The following CPSF7 variants were observed in gnomAD, a reference collection of about 807,000 sequenced individuals.
CPSF7 encodes cleavage and polyadenylation specific factor 7.
In CPSF7, 1 loss-of-function variant was observed where a neutral mutation model predicts 44.3. The observed-to-expected ratio is 0.02, with a 90% CI of 0.01 to 0.11. The LOEUF (loss-of-function observed/expected upper bound fraction) is 0.11. Ranked by LOEUF, CPSF7 falls within the 10% of genes least tolerant of loss-of-function variation. The probability of loss-of-function intolerance (pLI) is 1.00; values close to 1 mark genes in which losing one functional copy is unlikely to be tolerated. For missense variants in CPSF7, 443 were observed against 607.2 expected, an observed-to-expected ratio of 0.73 and a Z score of 2.84; for synonymous variants, 202 against 222.0, an observed-to-expected ratio of 0.91 and a Z score of 0.80.
intron 2 of CPSF7, among the ~76,000 whole-genome samples, chr11:61,427,850 A>G (rs905979463): frequency 3.3e-5 from 5 of 152,230 alleles, no homozygotes; most frequent in African/African-American, 9.6e-5. Flanking sequence ...TTATAAAACC[A>G]TAATACATCA....
At chr11:61,411,535 C>T (rs1859846868) in intron 8 of CPSF7, among the ~76,000 whole-genome samples, 1 of 152,148 alleles carries the variant, frequency 6.6e-6, no homozygotes, top group Non-Finnish European at 1.5e-5. Flanking sequence ...TTAAAAATAT[C>T]TGTCTGTATT....
At chr11:61,420,732 C>T (rs1305272675) in intron 3 of CPSF7, 159 bp from the exon 4 acceptor site, 3 of 619,398 alleles carry the variant, frequency 4.8e-6, no homozygotes, top group Non-Finnish European at 8.5e-6. Context: ...ATTGTCCTCA[C>T]CCATACAGAA....
intron 9 of CPSF7, among the ~76,000 whole-genome samples, chr11:61,409,364 C>T (rs967162179): frequency 6.6e-6 from 1 of 151,242 alleles, no homozygotes; most frequent in Admixed American, 6.6e-5. Context: ...CCCAGCTACT[C>T]GGGAGGCTGA....
intron 4 of CPSF7, 151 bp from the exon 5 acceptor site, chr11:61,420,245 C>G: frequency 1.4e-6 from 1 of 731,030 alleles, no homozygotes; most frequent in East Asian, 2.7e-5. Flanking sequence ...AAGAGACAGC[C>G]TAAATCTTTA....
intron 7 of CPSF7, among the ~76,000 whole-genome samples, chr11:61,412,773 T>C (rs1859971373): frequency 6.6e-6 from 1 of 152,210 alleles, no homozygotes; most frequent in East Asian, 1.9e-4. Flanking sequence ...GATCAATAAA[T>C]GTTATGTTAT....
chr11:61,418,710 T>A (rs958001033), intron 5 of CPSF7, among the ~76,000 whole-genome samples: 7 of 150,884 alleles, frequency 4.6e-5, no homozygotes, highest in African/African-American at 1.5e-4. Flanking sequence ...AGTTCTGAGG[T>A]AACTTTCTTT....
At chr11:61,420,361 T>A (rs779133755) in intron 4 of CPSF7, 109 bp downstream of exon 4, 3 of 999,754 alleles carry the variant, frequency 3.0e-6, no homozygotes, top group Non-Finnish European at 4.5e-6. Context: ...ACCAAGGCAG[T>A]AAGCTGGGCC....
At chr11:61,411,203 C>A in intron 8 of CPSF7, 98 bp from the exon 9 acceptor site, 2 of 1,208,034 alleles carry the variant, frequency 1.7e-6, no homozygotes, top group Non-Finnish European at 2.3e-6. Context: ...TAAACTATTC[C>A]TCTATTACTC....
chr11:61,409,167 A>C (rs12284002), intron 9 of CPSF7, among the ~76,000 whole-genome samples: 17,553 of 151,474 alleles, frequency 0.12, 3,378 homozygotes, highest in African/African-American at 0.4. Context: ...AAAAACAAAA[A>C]CAAAACAAAA....
Position 61,421,457 on chromosome 11 carries a change from G to C in CPSF7, c.206C>G (p.Ala69Gly). Residue 69 changes from alanine to glycine, a missense_variant, in exon 3 of 10, where the codon GCA (alanine) becomes GGA (glycine). Ala to Gly is a moderately conservative substitution (Grantham distance 60). Transcript: ENST00000439958. Reference protein sequence around the residue: ...PSPKPNNKTPAILYTYSGLRN... With the variant: ...PSPKPNNKTPGILYTYSGLRN... ...CAGGCCACTGTAGGTATACAGAATTGCAGGGGTCTTGTTGTTGGGCTTGGG... is the reference window on the plus strand; with the variant it reads ...CAGGCCACTGTAGGTATACAGAATTCCAGGGGTCTTGTTGTTGGGCTTGGG... The C allele has an allele frequency of 6.2e-7, 1 of 1,614,162 alleles. No individual in the cohort carries two copies.
chr11:61,411,226 G>A, intron 8 of CPSF7, 121 bp from the exon 9 acceptor site: 1 of 967,908 alleles, frequency 1.0e-6, no homozygotes, highest in Non-Finnish European at 1.5e-6. Flanking sequence ...TCATGGGCCT[G>A]CTGTCTGAGG....
rs778393623 is a variant in CPSF7, at chr11:61,411,877, C to T, written c.1118G>A (p.Arg373Gln). The T allele has an allele frequency of 1.2e-6, 2 of 1,614,160 alleles. No homozygotes were observed. The highest frequency in any genetic ancestry group is 1.1e-5 in the South Asian group (1 of 91,082). Residue 373 changes from arginine to glutamine, a missense_variant, in exon 8 of 10, where the codon CGG becomes CAG. Transcript: ENST00000439958. ...LTAIAVIKQS[R>Q]VANDERCRVL... ...ACGGCAACGCTCATCATTGGCAACC[C>T]GGGACTGTTTGATAACCGCAATGGC...
At position 61,402,985 on chromosome 11, in the gene CPSF7, T is replaced by G. The variant is rs1199065870; in HGVS notation, c.*1725A>C. 2 of 152,372 alleles carry G rather than the reference T, an allele frequency of 1.3e-5. No homozygotes were observed. Among genetic ancestry groups the G allele is most frequent in the African/African-American group, 4.8e-5 (2 of 41,416 alleles). 9.4% of individuals were successfully genotyped at this position (152,372 alleles called of 1,614,324 possible). A position where few individuals can be genotyped will look rare whatever the true frequency, so the allele number is the denominator to read the frequency against. On this transcript the variant is annotated 3_prime_UTR_variant, in exon 10 of 10. Transcript: ENST00000439958. ...TAAACTGTCACCTTTTCTCTACATT[T>G]TAAAAGACACCCGGAGTTGCTCTCA...
chr11:61,424,034 A>G lies in CPSF7; in HGVS notation c.55-2426T>C, dbSNP rs949987742. ...CCCTTGTAAAAACGTTAGAAAAAGA[A>G]TATCAAGAGACAGTAAACTTTTAGG... On this transcript the variant is annotated intron_variant, in intron 2 of 9. Coordinates refer to ENST00000439958, the MANE Select transcript of CPSF7 (RefSeq NM_001142565.3). Among the ~76,000 whole-genome samples the G allele has an allele frequency of 5.3e-5, 8 of 152,348 alleles. No homozygotes were observed. The East Asian group carries it at 5.8e-4, about 11-fold the overall frequency.
intron 3 of CPSF7, 122 bp from the exon 4 acceptor site, chr11:61,420,695 A>G (rs1271921011): frequency 1.4e-6 from 1 of 717,010 alleles, no homozygotes; most frequent in Non-Finnish European, 2.4e-6. Context: ...AAGCCTGGCA[A>G]TATTTCAATT....
intron 7 of CPSF7, among the ~76,000 whole-genome samples, chr11:61,412,624 G>A (rs1225876371): frequency 6.6e-6 from 1 of 152,082 alleles, no homozygotes; most frequent in East Asian, 1.9e-4. Context: ...ATAGGGTCTG[G>A]CTATATAAAG....
chr11:61,402,845 T>C lies in CPSF7; in HGVS notation c.*1865A>G, dbSNP rs562188510. On this transcript the variant is annotated 3_prime_UTR_variant, in exon 10 of 10. Transcript: ENST00000439958. ...TTGAGGGATGGGTGTTTTTTTTCCTTTTGCTATCAGGAAATAAAACTAAAA... is the reference window on the plus strand; with the variant it reads ...TTGAGGGATGGGTGTTTTTTTTCCTCTTGCTATCAGGAAATAAAACTAAAA... 3 of 152,518 alleles carry C rather than the reference T, an allele frequency of 2.0e-5. No individual in the cohort carries two copies. Among genetic ancestry groups the C allele is most frequent in the African/African-American group, 7.2e-5 (3 of 41,466 alleles). 9.4% of individuals were successfully genotyped at this position (152,518 alleles called of 1,614,324 possible).
chr11:61,416,762 A>G (rs1319502601), intron 5 of CPSF7, among the ~76,000 whole-genome samples: 1 of 152,216 alleles, frequency 6.6e-6, no homozygotes, highest in Non-Finnish European at 1.5e-5. Context: ...CCATAACTCC[A>G]GAAGTGCTTC....
chr11:61,429,360 G>A, intron 1 of CPSF7, 70 bp from the exon 2 acceptor site: 1 of 905,482 alleles, frequency 1.1e-6, no homozygotes, highest in Non-Finnish European at 1.8e-6. Flanking sequence ...GGTAATGATT[G>A]CTAACCTCCC....
Sources: allele counts gnomAD v4.1 joint callset (sites outside exome capture counted in the v4.1 genomes callset), GRCh38; gene constraint gnomAD v4.1.1; transcripts MANE v1.5; gene names NCBI Gene and HGNC (gene_info 2026-07-23, HGNC 2026-07-21).